C8orf76: variants seen among roughly 807,000 people sequenced by gnomAD.
The protein encoded by C8orf76 is uncharacterized protein C8orf76.
A neutral mutation model predicts 38.1 loss-of-function variants in C8orf76; 46 were observed. That is an observed-to-expected ratio of 1.21 (90% CI 0.95 to 1.54). C8orf76 has a LOEUF of 1.54. C8orf76 is among the 40% of genes most tolerant of loss of function. The probability of loss-of-function intolerance (pLI) is 0.00; values close to 1 mark genes in which losing one functional copy is unlikely to be tolerated. For synonymous variants in C8orf76, 166 were observed against 167.5 expected (o/e 0.99, Z 0.07); for missense variants, 461 against 441.6 (o/e 1.04, Z -0.39).
At chr8:123,229,365 T>C (rs1825158214) in intron 4 of C8orf76, among the ~76,000 whole-genome samples, 1 of 152,148 alleles carries the variant, frequency 6.6e-6, no homozygotes, top group South Asian at 2.1e-4. Context: ...CCCAGAGTCA[T>C]GAGGATTAAA....
rs188000977 is a variant in C8orf76, at chr8:123,224,678, C to T, written c.948+1822G>A. On this transcript the variant is annotated intron_variant, in intron 5 of 5. Coordinates refer to ENST00000276704, the MANE Select transcript of C8orf76 (RefSeq NM_032847.3). ...ATTACAATCCTAACGAGGGCCCAGA[C>T]ATTTTCCATCTTTTTAAAAAGCTCC... is the stretch of plus-strand genomic sequence containing the variant. Among the ~76,000 whole-genome samples, 38 of 152,288 alleles carry T rather than the reference C, an allele frequency of 2.5e-4. No homozygotes were observed. The Middle Eastern group carries it at 0.01, about 41-fold the overall frequency.
chr8:123,234,585 A>G (rs1825391936), intron 3 of C8orf76, among the ~76,000 whole-genome samples: 2 of 152,094 alleles, frequency 1.3e-5, no homozygotes, highest in South Asian at 4.1e-4. Flanking sequence ...ACTGGACAAC[A>G]TGATGAAACC....
At chr8:123,235,832 G>A (rs1196289883) in intron 3 of C8orf76, among the ~76,000 whole-genome samples, 4 of 152,154 alleles carry the variant, frequency 2.6e-5, no homozygotes, top group Non-Finnish European at 4.4e-5. Flanking sequence ...TCAAAGAGGA[G>A]GAGGAGGAAG....
intron 5 of C8orf76, chr8:123,226,220 C>G: frequency 7.8e-7 from 1 of 1,280,708 alleles, no homozygotes; most frequent in Non-Finnish European, 9.8e-7. Context: ...TTATTCAGCA[C>G]TGAAACAAAC....
chr8:123,239,058 T>G lies in C8orf76; in HGVS notation c.204A>C (p.Gln68His). The G allele has an allele frequency of 6.2e-7, 1 of 1,614,104 alleles. No individual in the cohort carries two copies. The highest frequency in any genetic ancestry group is 8.5e-7 in the Non-Finnish European group (1 of 1,179,984). The change falls in exon 2 of 6, where the codon CAA becomes CAC. Residue 68 changes from glutamine (Q) to histidine (H), a missense_variant. Gln to His is a conservative substitution (Grantham distance 24, BLOSUM62 0). Transcript: ENST00000276704. ...KFKGDLAYRRQEYQKALQEYS... is the reference protein window; with the variant it reads ...KFKGDLAYRRHEYQKALQEYS... The stretch of plus-strand genomic sequence containing the variant: ...ATATGTTGAATTCTACCTGATACTC[T>G]TGTCGTCTGTAGGCCAGGTCTCCTT...
Position 123,225,298 on chromosome 8 carries a change from G to C in C8orf76, c.948+1202C>G, listed in dbSNP as rs149854671. Among the ~76,000 whole-genome samples the C allele has an allele frequency of 7.0e-3, 1,060 of 152,194 alleles. 11 individuals are homozygous for C. Among genetic ancestry groups the C allele is most frequent in the African/African-American group, 0.024 (991 of 41,536 alleles). ...CTGAGATTACAGGAAGTGTTCTGAT[G>C]AGTAGTTCCATTTTAGACATTTTGT... On this transcript the variant is annotated intron_variant, in intron 5 of 5. Transcript: ENST00000276704.
rs374611649 is a variant in C8orf76 at position 123,223,837 on chromosome 8, T to C, written c.948+2663A>G. Among the ~76,000 whole-genome samples the C allele has an allele frequency of 7.9e-5, 12 of 152,102 alleles. No individual in the cohort carries two copies. In the East Asian group the frequency reaches 1.3e-3, roughly 17 times the overall value. ...TAAACCTTGAAAACATTATGCTAAGTGAAATAAAGCAGACACAAAAGGACA... is the reference window on the plus strand; with the variant it reads ...TAAACCTTGAAAACATTATGCTAAGCGAAATAAAGCAGACACAAAAGGACA... On this transcript the variant is annotated intron_variant, in intron 5 of 5. Transcript: ENST00000276704.
At chr8:123,225,130 C>T (rs930203256) in intron 5 of C8orf76, among the ~76,000 whole-genome samples, 1 of 152,140 alleles carries the variant, frequency 6.6e-6, no homozygotes, top group Non-Finnish European at 1.5e-5. Context: ...CTTAGCCTCC[C>T]GAGTAGCTGG....
At chr8:123,233,263 C>A (rs1324440181) in intron 3 of C8orf76, among the ~76,000 whole-genome samples, 2 of 151,700 alleles carry the variant, frequency 1.3e-5, no homozygotes, top group Non-Finnish European at 2.9e-5. Context: ...AAGTGATCCA[C>A]CCCCTTCGGC....
chr8:123,220,504 T>C (rs535931845), intron 5 of C8orf76, among the ~76,000 whole-genome samples: 3 of 152,198 alleles, frequency 2.0e-5, no homozygotes, highest in African/African-American at 4.8e-5. Context: ...TTATCTGATC[T>C]CAGAAGTAGT....
chr8:123,237,185 C>T (rs567849968), intron 3 of C8orf76: 101 of 689,722 alleles, frequency 1.5e-4, no homozygotes, highest in African/African-American at 1.3e-3. Context: ...CGCGGCCACA[C>T]CAACAACCTG....
chr8:123,221,488 T>C (rs746436953), intron 5 of C8orf76, among the ~76,000 whole-genome samples: 4 of 152,128 alleles, frequency 2.6e-5, no homozygotes, highest in Non-Finnish European at 4.4e-5. Flanking sequence ...CAGGATGGAG[T>C]ACAGTGGTGC....
At chr8:123,236,820 T>A in intron 3 of C8orf76, 1 of 663,026 alleles carries the variant, frequency 1.5e-6, no homozygotes, top group East Asian at 2.6e-5. Context: ...TCCCTTTTTC[T>A]TCAGCGAGGC....
rs753440010 is a variant in C8orf76, at chr8:123,241,339, G to A, written c.8C>T (p.Ser3Phe). 13 of 1,562,690 alleles carry A rather than the reference G, an allele frequency of 8.3e-6. No individual in the cohort carries two copies. In the Admixed American group the frequency reaches 1.2e-4, roughly 15 times the overall value. The change falls in exon 1 of 6, where the codon TCC becomes TTC. Residue 3 changes from serine to phenylalanine, a missense_variant. Coordinates refer to ENST00000276704, the MANE Select transcript of C8orf76 (RefSeq NM_032847.3). ...CTCGCCGCCGAACAACCAGCACCCG[G>A]AATCCATCTCGCGCCCGCGGCGGGG... MD[S>F]GCWLFGGEFE... is the part of the protein sequence containing the mutation.
At chr8:123,237,601 A>C (rs1825545405) in intron 3 of C8orf76, among the ~76,000 whole-genome samples, 197 bp downstream of exon 3, 1 of 152,222 alleles carries the variant, frequency 6.6e-6, no homozygotes, top group African/African-American at 2.4e-5. Flanking sequence ...CACAAGAAAA[A>C]TATTACAAGA....
rs1197174409 is a variant in C8orf76, at chr8:123,226,499, C to T, written c.948+1G>A. ...CACATAAACCCGAGGGATACACTCA[C>T]CTCAGCTATCAACAGCAAAGTGTCT... On this transcript the variant is annotated splice_donor_variant, in intron 5 of 5. Transcript: ENST00000276704. LOFTEE classifies it high-confidence loss of function. The T allele has an allele frequency of 6.2e-7, 1 of 1,611,620 alleles. No homozygotes were observed. Among genetic ancestry groups the T allele is most frequent in the Non-Finnish European group, 8.5e-7 (1 of 1,179,490 alleles).
intron 5 of C8orf76, among the ~76,000 whole-genome samples, 191 bp from the exon 6 acceptor site, chr8:123,220,488 C>T (rs182741406): frequency 2.2e-4 from 34 of 151,322 alleles, no homozygotes; most frequent in Non-Finnish European, 3.8e-4. Flanking sequence ...CTGACTGTGC[C>T]CGATCTTATC....
chr8:123,238,230 A>G (rs1288973863), intron 2 of C8orf76, among the ~76,000 whole-genome samples: 1 of 152,050 alleles, frequency 6.6e-6, no homozygotes, highest in East Asian at 1.9e-4. Context: ...TTCCCATGCT[A>G]TTCTCATGGT....
intron 5 of C8orf76, among the ~76,000 whole-genome samples, chr8:123,225,221 G>T (rs1231365045): frequency 6.6e-6 from 1 of 152,108 alleles, no homozygotes; most frequent in African/African-American, 2.4e-5. Flanking sequence ...TGGCCAGGCT[G>T]GTCTTGAGCT....
Sources: gnomAD v4.1 joint callset for allele counts (sites outside exome capture counted in the v4.1 genomes callset) on GRCh38, gnomAD v4.1.1 for gene constraint, MANE v1.5 for transcripts, NCBI Gene and HGNC (gene_info 2026-07-23, HGNC 2026-07-21) for gene names.